WWP2: variants seen among roughly 807,000 people sequenced by gnomAD.
The protein encoded by WWP2 is NEDD4-like E3 ubiquitin-protein ligase WWP2.
WWP2 carries 57 observed loss-of-function variants against 121.0 expected under a neutral mutation model. The ratio of observed to expected loss-of-function variants is 0.47; its 90% CI spans 0.38 to 0.59. WWP2 has a LOEUF of 0.59. Ranked by LOEUF, WWP2 falls within the 20% of genes least tolerant of loss-of-function variation. The probability of loss-of-function intolerance (pLI) is 0.00; values close to 1 mark genes in which losing one functional copy is unlikely to be tolerated. For synonymous variants in WWP2, 449 were observed against 441.3 expected, an observed-to-expected ratio of 1.02 and a Z score of -0.22; for missense variants, 962 against 1,158.9, an observed-to-expected ratio of 0.83 and a Z score of 2.47.
At chr16:69,856,945 A>G (rs923878656) in intron 6 of WWP2, among the ~76,000 whole-genome samples, 2 of 151,920 alleles carry the variant, frequency 1.3e-5, no homozygotes, top group Non-Finnish European at 2.9e-5. Context: ...GTTTTTTTGT[A>G]ACAGCATTTA....
chr16:69,856,948 A>C (rs981785169), intron 6 of WWP2, among the ~76,000 whole-genome samples: 12 of 152,032 alleles, frequency 7.9e-5, no homozygotes, highest in Admixed American at 7.9e-4. Flanking sequence ...TTTTTGTAAC[A>C]GCATTTAACT....
intron 7 of WWP2, among the ~76,000 whole-genome samples, chr16:69,885,452 G>A (rs1321055739): frequency 6.6e-6 from 1 of 152,156 alleles, no homozygotes; most frequent in Non-Finnish European, 1.5e-5. Context: ...GAGAAAACAA[G>A]CAAATAAATC....
At chr16:69,889,872 TCTTA>T (rs1223072774) in intron 8 of WWP2, among the ~76,000 whole-genome samples, 1 of 152,208 alleles carries the variant, frequency 6.6e-6, no homozygotes, top group Non-Finnish European at 1.5e-5. Flanking sequence ...GTGTAAGGCC[TCTTA>T]CTTGACTACA....
chr16:69,931,128 C>G (rs1357426517), intron 13 of WWP2, 24 bp from the exon 14 acceptor site: 2 of 1,611,790 alleles, frequency 1.2e-6, no homozygotes, highest in African/African-American at 2.7e-5. Flanking sequence ...CGCATGAACC[C>G]CTGAACATCT....
intron 6 of WWP2, among the ~76,000 whole-genome samples, chr16:69,854,926 GCCCA>G (rs1294493115): frequency 6.6e-6 from 1 of 152,064 alleles, no homozygotes; most frequent in Non-Finnish European, 1.5e-5. Context: ...TGCAATCAAG[GCCCA>G]CTGCAGCCTC....
At chr16:69,882,096 A>C (rs2057841093) in intron 7 of WWP2, among the ~76,000 whole-genome samples, 1 of 152,120 alleles carries the variant, frequency 6.6e-6, no homozygotes, top group African/African-American at 2.4e-5. Flanking sequence ...CTGGGATTAC[A>C]GGCATGAGCC....
At position 69,935,881 on chromosome 16, in the gene WWP2, C is replaced by T. The variant is rs765444857; in HGVS notation, c.1871C>T (p.Thr624Met). The change falls in exon 18 of 24, where the codon ACG becomes ATG. Residue 624 changes from threonine (T) to methionine (M), a missense_variant. Thr to Met is a moderately conservative substitution (Grantham distance 81). Around this residue, in one of 3 missense-constraint regions of WWP2, gnomAD observed 606 missense variants for 772.6 expected, o/e 0.78. Transcript: ENST00000359154. The surrounding 1 kb of genome is among the most constrained non-coding windows in gnomAD (Gnocchi z 5.2). Reference protein sequence around the residue: ...MALYHGKFIDTGFTLPFYKRM... With the variant: ...MALYHGKFIDMGFTLPFYKRM... ...CTGTACCATGGAAAGTTCATCGACA[C>T]GGGCTTCACCCTCCCTTTCTACAAG... 11 of 1,613,768 alleles carry T rather than the reference C, an allele frequency of 6.8e-6. No individual in the cohort carries two copies. Among genetic ancestry groups the T allele is most frequent in the Non-Finnish European group, 3.4e-6 (4 of 1,179,966 alleles).
intron 6 of WWP2, among the ~76,000 whole-genome samples, chr16:69,842,409 G>T (rs1303278544): frequency 1.3e-5 from 2 of 152,028 alleles, no homozygotes; most frequent in East Asian, 1.9e-4. Flanking sequence ...TGAAGTTTGG[G>T]CTTCTAATGA....
intron 13 of WWP2, among the ~76,000 whole-genome samples, chr16:69,930,879 C>T (rs984680309): frequency 1.3e-5 from 2 of 152,090 alleles, no homozygotes; most frequent in African/African-American, 2.4e-5. Flanking sequence ...CTCTAGAAAA[C>T]GAACAAACAA....
intron 6 of WWP2, among the ~76,000 whole-genome samples, chr16:69,871,223 G>A (rs2057630522): frequency 6.6e-6 from 1 of 152,324 alleles, no homozygotes; most frequent in South Asian, 2.1e-4. Flanking sequence ...GTTTGAGGCT[G>A]CAATGAGCTA....
Position 69,836,865 on chromosome 16 carries a change from C to A in WWP2, c.341-3261C>A, listed in dbSNP as rs964835024. The stretch of plus-strand genomic sequence containing the variant: ...TCCTGAGCTCAAGCGACCCACCCAT[C>A]GCAGCCCATCTCAGCCTCCCAAAGT... On this transcript the variant is annotated intron_variant, in intron 4 of 23. Transcript: ENST00000359154. Among the ~76,000 whole-genome samples, 3 of 152,228 alleles carry A rather than the reference C, an allele frequency of 2.0e-5. No individual in the cohort carries two copies. In the East Asian group the frequency reaches 5.8e-4, roughly 29 times the overall value.
At chr16:69,821,964 C>T (rs2056601158) in intron 4 of WWP2, among the ~76,000 whole-genome samples, 1 of 152,000 alleles carries the variant, frequency 6.6e-6, no homozygotes, top group Non-Finnish European at 1.5e-5. Flanking sequence ...AAACTTCTGG[C>T]TTTAAACGAT....
intron 6 of WWP2, among the ~76,000 whole-genome samples, chr16:69,852,595 A>G (rs955775410): frequency 1.3e-5 from 2 of 152,152 alleles, no homozygotes; most frequent in African/African-American, 2.4e-5. Context: ...GAGTCTTTTC[A>G]TATGCTTATA....
At chr16:69,824,163 C>G (rs1331287073) in intron 4 of WWP2, among the ~76,000 whole-genome samples, 1 of 152,240 alleles carries the variant, frequency 6.6e-6, no homozygotes, top group African/African-American at 2.4e-5. Context: ...CCCAGGTTCT[C>G]CCAGGGGAGG....
At chr16:69,864,706 T>G (rs1489316141) in intron 6 of WWP2, among the ~76,000 whole-genome samples, 1 of 151,388 alleles carries the variant, frequency 6.6e-6, no homozygotes, top group Non-Finnish European at 1.5e-5. Flanking sequence ...CCAGCCACTA[T>G]GCCTGACGAA....
Position 69,824,044 on chromosome 16 carries a change from G to A in WWP2, c.341-16082G>A, listed in dbSNP as rs114791963. Among the ~76,000 whole-genome samples the A allele has an allele frequency of 2.9e-3, 440 of 152,296 alleles. 4 individuals are homozygous for A. The highest frequency in any genetic ancestry group is 0.01 in the African/African-American group (423 of 41,564). ...TGAGATTGTTGCCTGAATGTGAGCT[G>A]TTTCCTTCCCCTTGCCAAAAACAAA... On this transcript the variant is annotated intron_variant, in intron 4 of 23. Transcript: ENST00000359154.
chr16:69,809,596 G>A (rs1490369476), intron 4 of WWP2, among the ~76,000 whole-genome samples: 1 of 152,090 alleles, frequency 6.6e-6, no homozygotes, highest in Non-Finnish European at 1.5e-5. Flanking sequence ...GTGGAACCCT[G>A]TCTCTACTAA....
intron 4 of WWP2, among the ~76,000 whole-genome samples, chr16:69,809,806 G>C (rs183633946): frequency 1.3e-5 from 2 of 151,366 alleles, no homozygotes; most frequent in East Asian, 3.9e-4. Context: ...GAGAGAGAGA[G>C]AGATAGGAAG....
At chr16:69,894,438 G>A (rs532413899) in intron 8 of WWP2, among the ~76,000 whole-genome samples, 2 of 152,264 alleles carry the variant, frequency 1.3e-5, no homozygotes, top group East Asian at 1.9e-4. Context: ...GGTTACACAC[G>A]TCTGCACGTT....
Sources: allele counts gnomAD v4.1 joint callset (sites outside exome capture counted in the v4.1 genomes callset), GRCh38; gene constraint gnomAD v4.1.1; regional missense constraint gnomAD v4.1.1; non-coding constraint Gnocchi (gnomAD v3.1); transcripts MANE v1.5; gene names NCBI Gene and HGNC (gene_info 2026-07-23, HGNC 2026-07-21).